The following AUTS2 variants were observed in gnomAD, a reference collection of about 807,000 sequenced individuals.
AUTS2 encodes the protein activator of transcription and developmental regulator AUTS2.
Under a neutral mutation model 112.4 loss-of-function variants are expected in AUTS2, and 17 were observed. The observed-to-expected ratio is 0.15, with a 90% confidence interval of 0.10 to 0.23. The LOEUF is 0.23. Ranked by LOEUF, AUTS2 falls within the 10% of genes least tolerant of loss-of-function variation. The pLI is 1.00. For missense variants in AUTS2, 1,510 were observed against 1,701.6 expected, an observed-to-expected ratio of 0.89 and a Z score of 1.98; for synonymous variants, 751 against 702.7, an observed-to-expected ratio of 1.07 and a Z score of -1.09.
chr7:69,877,889 T>A (rs1176044429), intron 1 of AUTS2, among the ~76,000 whole-genome samples: 1 of 152,176 alleles, frequency 6.6e-6, no homozygotes. Context: ...GAATGAGTTG[T>A]GTGCAGGACA....
chr7:70,407,002 A>T (rs553386841), intron 4 of AUTS2, among the ~76,000 whole-genome samples: 2 of 152,346 alleles, frequency 1.3e-5, no homozygotes, highest in African/African-American at 4.8e-5. Flanking sequence ...TATGGACATC[A>T]AGGACTTCCT....
rs146066938 is a variant in AUTS2 at position 70,519,642 on chromosome 7, A to G, written c.690+83861A>G. Among the ~76,000 whole-genome samples, 251 of 152,302 alleles carry G rather than the reference A, an allele frequency of 1.6e-3. 2 individuals are homozygous for G. Among genetic ancestry groups the G allele is most frequent in the African/African-American group, 5.8e-3 (241 of 41,542 alleles). ...TTATGGACAAATAGCTTCGTATCTC[A>G]TATGCTACTCCCAACAGCTCATTTA... On this transcript the variant is annotated intron_variant, in intron 5 of 18. Transcript: ENST00000342771.
chr7:70,547,291 G>T (rs1800827791), intron 5 of AUTS2, among the ~76,000 whole-genome samples: 1 of 152,188 alleles, frequency 6.6e-6, no homozygotes, highest in Non-Finnish European at 1.5e-5. Flanking sequence ...GTCTTGCTCA[G>T]TCGCCCAGGC....
intron 2 of AUTS2, among the ~76,000 whole-genome samples, chr7:70,054,797 C>T (rs750216777): frequency 6.6e-6 from 1 of 152,120 alleles, no homozygotes; most frequent in Non-Finnish European, 1.5e-5. Flanking sequence ...CACTGGAATA[C>T]TTCACTGGAA....
intron 5 of AUTS2, among the ~76,000 whole-genome samples, chr7:70,508,654 G>A (rs1212794163): frequency 2.6e-5 from 4 of 152,168 alleles, no homozygotes; most frequent in Admixed American, 6.5e-5. Context: ...GTGTGTGCGC[G>A]TACATACATA....
At chr7:69,602,018 GTGT>G (rs1792437124) in intron 1 of AUTS2, among the ~76,000 whole-genome samples, 1 of 23,060 alleles carries the variant, frequency 4.3e-5, no homozygotes, top group Non-Finnish European at 9.5e-5. Context: ...ATATGTGTGT[GTGT>G]ATATATATAT....
At chr7:70,015,317 C>T (rs1563040841) in intron 2 of AUTS2, among the ~76,000 whole-genome samples, 1 of 152,174 alleles carries the variant, frequency 6.6e-6, no homozygotes, top group Non-Finnish European at 1.5e-5. Flanking sequence ...CATAATCTCA[C>T]TTAGTCCTCA....
intron 1 of AUTS2, among the ~76,000 whole-genome samples, chr7:69,757,712 T>A (rs1787998230): frequency 6.6e-6 from 1 of 152,194 alleles, no homozygotes; most frequent in South Asian, 2.1e-4. Flanking sequence ...GCAGTTTAAT[T>A]AATGTTCTTT....
chr7:70,384,254 A>C (rs991145525), intron 4 of AUTS2, among the ~76,000 whole-genome samples: 1 of 152,146 alleles, frequency 6.6e-6, no homozygotes. Context: ...TGAGGGATTG[A>C]GAACATATTG....
chr7:70,699,696 A>G (rs1435146185), intron 6 of AUTS2, among the ~76,000 whole-genome samples: 4 of 152,230 alleles, frequency 2.6e-5, no homozygotes, highest in Admixed American at 6.5e-5. Context: ...TTTTTATTGC[A>G]TAATGGAGTA....
intron 2 of AUTS2, among the ~76,000 whole-genome samples, chr7:70,065,866 C>T (rs1802466431): frequency 6.6e-6 from 1 of 152,148 alleles, no homozygotes; most frequent in South Asian, 2.1e-4. Context: ...CTACCATGCA[C>T]AGCTATTTAA....
At chr7:70,550,079 A>G (rs1432993852) in intron 5 of AUTS2, among the ~76,000 whole-genome samples, 1 of 152,204 alleles carries the variant, frequency 6.6e-6, no homozygotes, top group Non-Finnish European at 1.5e-5. Flanking sequence ...GTGAGGGGGC[A>G]TATTGGAAAT....
At chr7:70,355,657 C>A (rs189911509) in intron 4 of AUTS2, among the ~76,000 whole-genome samples, 35 of 152,274 alleles carry the variant, frequency 2.3e-4, no homozygotes, top group Middle Eastern at 3.4e-3. Context: ...CCAGTGAGAG[C>A]AGAGTGTATA....
chr7:70,404,348 T>C (rs539375764), intron 4 of AUTS2, among the ~76,000 whole-genome samples: 4 of 152,224 alleles, frequency 2.6e-5, no homozygotes, highest in Non-Finnish European at 5.9e-5. Flanking sequence ...CTGGCCTTTA[T>C]TCCTGTCTAT....
At chr7:69,785,900 G>A (rs531841286) in intron 1 of AUTS2, among the ~76,000 whole-genome samples, 9 of 152,180 alleles carry the variant, frequency 5.9e-5, no homozygotes, top group African/African-American at 9.6e-5. Flanking sequence ...GCGCAATCTC[G>A]GCTTACTGCA....
At chr7:70,138,797 T>C (rs1305006011) in intron 4 of AUTS2, among the ~76,000 whole-genome samples, 1 of 152,186 alleles carries the variant, frequency 6.6e-6, no homozygotes, top group Admixed American at 6.5e-5. Flanking sequence ...TTGAATTACT[T>C]AAGTTGTGTA....
chr7:70,690,617 T>C (rs2129546313), intron 5 of AUTS2, among the ~76,000 whole-genome samples: 1 of 152,352 alleles, frequency 6.6e-6, no homozygotes, highest in East Asian at 1.9e-4. Flanking sequence ...AGCTTAAATC[T>C]GGTAATTTGT....
chr7:69,964,809 G>T (rs1303534538), intron 2 of AUTS2, among the ~76,000 whole-genome samples: 1 of 151,870 alleles, frequency 6.6e-6, no homozygotes, highest in African/African-American at 2.4e-5. Flanking sequence ...CAGTTGGTCA[G>T]TTGTCACTCT....
intron 5 of AUTS2, among the ~76,000 whole-genome samples, chr7:70,630,771 A>G (rs1465664891): frequency 1.3e-5 from 2 of 152,212 alleles, no homozygotes; most frequent in African/African-American, 4.8e-5. Flanking sequence ...TTAGAGACCC[A>G]TTTCATACAA....
Sources: gnomAD v4.1 joint callset for allele counts (sites outside exome capture counted in the v4.1 genomes callset) on GRCh38, gnomAD v4.1.1 for gene constraint, MANE v1.5 for transcripts, NCBI Gene and HGNC (gene_info 2026-07-23, HGNC 2026-07-21) for gene names.